The following RIMS2 variants were observed in gnomAD, a reference collection of about 807,000 sequenced individuals.
The protein encoded by RIMS2 is regulating synaptic membrane exocytosis protein 2.
In RIMS2, 59 loss-of-function variants were observed where a neutral mutation model predicts 174.4. The ratio of observed to expected loss-of-function variants is 0.34; its 90% CI spans 0.27 to 0.42. RIMS2 has a LOEUF of 0.42. Ranked by LOEUF, RIMS2 falls within the 10% of genes least tolerant of loss-of-function variation. The pLI, the probability that RIMS2 is intolerant of heterozygous loss-of-function variation, is 1.00. For synonymous variants in RIMS2, 606 were observed against 572.5 expected (o/e 1.06, Z -0.84); for missense variants, 1,620 against 1,666.3 (o/e 0.97, Z 0.48).
chr8:104,007,764 A>G (rs2095635640), intron 17 of RIMS2, among the ~76,000 whole-genome samples: 1 of 152,186 alleles, frequency 6.6e-6, no homozygotes, highest in African/African-American at 2.4e-5. Context: ...TCATATGATC[A>G]GTAATGACTG....
intron 2 of RIMS2, among the ~76,000 whole-genome samples, chr8:103,721,855 G>A (rs1291934700): frequency 6.6e-6 from 1 of 152,278 alleles, no homozygotes; most frequent in African/African-American, 2.4e-5. Context: ...GGATTTGAGA[G>A]TTGAGAAGAG....
At chr8:103,948,189 A>G (rs181814736) in intron 14 of RIMS2, among the ~76,000 whole-genome samples, 24 of 152,348 alleles carry the variant, frequency 1.6e-4, no homozygotes, top group Admixed American at 1.5e-3. Context: ...AGATGATAAC[A>G]AATTTTTGCA....
In RIMS2 at chr8:104,063,602, A is replaced by T. The variant is rs139342456; in HGVS notation, c.3334+48987A>T. Among the ~76,000 whole-genome samples the T allele has an allele frequency of 1.5e-3, 222 of 152,322 alleles. 2 individuals are homozygous for T. The highest frequency in any genetic ancestry group is 4.9e-3 in the African/African-American group (205 of 41,594). ...ATCAATGCAATTTCTGACTTCCAAG[A>T]TGTCTATAATTGCAAATTTCTAATT... On this transcript the variant is annotated intron_variant, in intron 19 of 23. Coordinates refer to ENST00000504942, the Ensembl canonical transcript of RIMS2.
intron 19 of RIMS2, among the ~76,000 whole-genome samples, chr8:104,067,581 G>A (rs937058911): frequency 7.2e-5 from 11 of 151,976 alleles, no homozygotes; most frequent in African/African-American, 1.7e-4. Flanking sequence ...TTGTGGAGAC[G>A]GGGTCATGCT....
chr8:103,771,345 T>C (rs549531540), intron 3 of RIMS2, among the ~76,000 whole-genome samples: 17 of 152,294 alleles, frequency 1.1e-4, no homozygotes, highest in African/African-American at 3.6e-4. Context: ...GTAAAACTGT[T>C]TAAAAACATT....
intron 19 of RIMS2, chr8:104,093,509 T>C: frequency 1.9e-6 from 3 of 1,597,328 alleles, no homozygotes; most frequent in Non-Finnish European, 2.5e-6. Flanking sequence ...GGGCAGATAA[T>C]GTTTCTACTA....
At chr8:103,664,768 A>G (rs1430012475) in intron 1 of RIMS2, among the ~76,000 whole-genome samples, 1 of 152,198 alleles carries the variant, frequency 6.6e-6, no homozygotes, top group Non-Finnish European at 1.5e-5. Context: ...CAGAAATCCT[A>G]TTACTGGGTA....
At position 103,652,198 on chromosome 8, in the gene RIMS2, T is replaced by A; in HGVS notation, c.177-44888T>A. On this transcript the variant is annotated intron_variant, in intron 1 of 23. Coordinates refer to ENST00000504942, the Ensembl canonical transcript of RIMS2. Reference sequence around the variant, plus strand: ...GTGCACTCAGTTGTGCAAACTTATCTTTTTAGGGTCAAAGAAGAACACAAA... The same window carrying A: ...GTGCACTCAGTTGTGCAAACTTATCATTTTAGGGTCAAAGAAGAACACAAA... 1 of 1,345,044 alleles carries A rather than the reference T, an allele frequency of 7.4e-7. No individual in the cohort carries two copies. The allele number at this position is 1,345,044 out of a possible 1,614,324, so 83.3% of individuals were successfully genotyped here. A position where few individuals can be genotyped will look rare whatever the true frequency, so the allele number is the denominator to read the frequency against.
chr8:103,657,958 G>T (rs1244156393), intron 1 of RIMS2, among the ~76,000 whole-genome samples: 1 of 152,158 alleles, frequency 6.6e-6, no homozygotes, highest in Non-Finnish European at 1.5e-5. Flanking sequence ...GACCCAGTTA[G>T]CCACTTGAGT....
intron 19 of RIMS2, among the ~76,000 whole-genome samples, chr8:104,210,798 C>T (rs77136262): frequency 0.038 from 5,850 of 152,224 alleles, 160 homozygotes; most frequent in Non-Finnish European, 0.062. Context: ...CTGTCAAGAA[C>T]AGTGCTACAT....
intron 1 of RIMS2, among the ~76,000 whole-genome samples, chr8:103,673,644 G>T (rs759971838): frequency 2.0e-5 from 3 of 152,156 alleles, no homozygotes; most frequent in Non-Finnish European, 4.4e-5. Context: ...ACAGGGTAGT[G>T]GTTTCTGTTC....
At chr8:103,680,162 G>A (rs1277884879) in intron 1 of RIMS2, among the ~76,000 whole-genome samples, 1 of 151,910 alleles carries the variant, frequency 6.6e-6, no homozygotes, top group Admixed American at 6.6e-5. Context: ...TTATTATCTT[G>A]TTATGGAGTA....
intron 19 of RIMS2, among the ~76,000 whole-genome samples, chr8:104,120,831 G>T (rs947240586): frequency 3.3e-5 from 5 of 152,078 alleles, no homozygotes; most frequent in Non-Finnish European, 5.9e-5. Context: ...TGGGGTGAGA[G>T]CATTGCTTAT....
At chr8:104,218,812 G>T (rs7834250) in intron 19 of RIMS2, among the ~76,000 whole-genome samples, 1 of 152,072 alleles carries the variant, frequency 6.6e-6, no homozygotes, top group African/African-American at 2.4e-5. Flanking sequence ...TCACTCACCC[G>T]CCACTGCTCA....
In RIMS2 at chr8:103,552,685, C is replaced by A. The variant is rs184934146; in HGVS notation, c.176+51623C>A. Among the ~76,000 whole-genome samples the A allele has an allele frequency of 1.6e-3, 242 of 152,294 alleles. 3 individuals are homozygous for A. Among genetic ancestry groups the A allele is most frequent in the Admixed American group, 0.015 (231 of 15,296 alleles). On this transcript the variant is annotated intron_variant, in intron 1 of 23. Coordinates refer to ENST00000504942, the Ensembl canonical transcript of RIMS2. ...CCTACAGAATGGGAGAAAATCTTTA[C>A]AATCTACCCATATGACAAAGGGCTA...
At chr8:103,965,126 T>C (rs188386150) in intron 15 of RIMS2, among the ~76,000 whole-genome samples, 2 of 152,312 alleles carry the variant, frequency 1.3e-5, no homozygotes, top group Non-Finnish European at 2.9e-5. Context: ...TTCAATACTG[T>C]GTTGAATCTT....
At chr8:103,971,099 C>G (rs181209893) in intron 15 of RIMS2, among the ~76,000 whole-genome samples, 2 of 152,078 alleles carry the variant, frequency 1.3e-5, no homozygotes, top group African/African-American at 2.4e-5. Flanking sequence ...CACTTCACAA[C>G]TTGAATAAAT....
chr8:103,992,451 G>GTTTT (rs150779238), intron 17 of RIMS2, among the ~76,000 whole-genome samples: 1 of 151,610 alleles, frequency 6.6e-6, no homozygotes, highest in Non-Finnish European at 1.5e-5. Context: ...TTGTTTGTTT[G>GTTTT]TTTGTTTTTT....
chr8:103,511,061 G>T (rs1220025956), intron 1 of RIMS2, among the ~76,000 whole-genome samples: 1 of 151,990 alleles, frequency 6.6e-6, no homozygotes, highest in East Asian at 1.9e-4. Flanking sequence ...TTGTACTATA[G>T]TTTATAATAC....
Sources: allele counts gnomAD v4.1 joint callset (sites outside exome capture counted in the v4.1 genomes callset), GRCh38; gene constraint gnomAD v4.1.1; transcripts MANE v1.5; gene names NCBI Gene and HGNC (gene_info 2026-07-23, HGNC 2026-07-21).